COL5A2: variants seen among roughly 807,000 people sequenced by gnomAD.
COL5A2 encodes collagen type V alpha 2 chain.
A neutral mutation model predicts 208.2 loss-of-function variants in COL5A2; 23 were observed. That is an observed-to-expected ratio of 0.11 (90% CI 0.08 to 0.16). The LOEUF (loss-of-function observed/expected upper bound fraction) is 0.16. COL5A2 is among the 10% of genes least tolerant of loss of function. The pLI is 1.00. For synonymous variants in COL5A2, 625 were observed against 628.5 expected, an observed-to-expected ratio of 0.99 and a Z score of 0.08; for missense variants, 1,590 against 1,956.4, an observed-to-expected ratio of 0.81 and a Z score of 3.53.
chr2:189,142,163 T>A (rs367606833), intron 1 of COL5A2, among the ~76,000 whole-genome samples: 1 of 152,108 alleles, frequency 6.6e-6, no homozygotes, highest in East Asian at 1.9e-4. Flanking sequence ...TGATTGACAA[T>A]AATTTTAAAC....
the COL5A2 span, among the ~76,000 whole-genome samples, chr2:189,407,337 G>A: frequency 1.3e-5 from 2 of 152,028 alleles, no homozygotes; most frequent in Non-Finnish European, 2.9e-5. Flanking sequence ...TATGGGGGAG[G>A]TGGAGGGAAG....
chr2:189,309,033 G>A, the COL5A2 span, among the ~76,000 whole-genome samples: 37 of 152,106 alleles, frequency 2.4e-4, no homozygotes, highest in Admixed American at 2.4e-3. Context: ...ACTCTCTTGG[G>A]CAGCTCTGCT....
At chr2:189,194,538 C>G (rs1688973314) in intron 1 of COL5A2, among the ~76,000 whole-genome samples, 1 of 152,158 alleles carries the variant, frequency 6.6e-6, no homozygotes, top group South Asian at 2.1e-4. Flanking sequence ...ATGTACAGGT[C>G]TTTTAATGGC....
At chr2:189,162,546 G>A (rs190805326) in intron 1 of COL5A2, among the ~76,000 whole-genome samples, 56 of 152,286 alleles carry the variant, frequency 3.7e-4, no homozygotes, top group African/African-American at 1.3e-3. Flanking sequence ...ATTAGCAAGT[G>A]CTTTACGATG....
chr2:189,385,580 A>G, the COL5A2 span, among the ~76,000 whole-genome samples: 1 of 152,152 alleles, frequency 6.6e-6, no homozygotes, highest in South Asian at 2.1e-4. Flanking sequence ...TGCTATTCCT[A>G]TCAAATTACC....
At chr2:189,095,960 A>G (rs1486666030) in intron 6 of COL5A2, 3 of 148,202 alleles carry the variant, frequency 2.0e-5, no homozygotes, top group African/African-American at 7.4e-5. Context: ...AGATATGGCC[A>G]ATCTCTTGGG....
the COL5A2 span, among the ~76,000 whole-genome samples, chr2:189,282,702 T>C: frequency 6.6e-6 from 1 of 152,180 alleles, no homozygotes; most frequent in African/African-American, 2.4e-5. Flanking sequence ...TAGCCTTCCA[T>C]TCTTGTTTTA....
At chr2:189,390,179 T>C in the COL5A2 span, among the ~76,000 whole-genome samples, 1 of 151,930 alleles carries the variant, frequency 6.6e-6, no homozygotes, top group Non-Finnish European at 1.5e-5. Flanking sequence ...TGTGTTGAAC[T>C]GTAGACTCAC....
the COL5A2 span, among the ~76,000 whole-genome samples, chr2:189,403,629 G>T: frequency 1.3e-5 from 2 of 152,058 alleles, no homozygotes. Flanking sequence ...TAACATTAAG[G>T]GATGTTGAAT....
At chr2:189,145,580 C>A (rs1022436169) in intron 1 of COL5A2, among the ~76,000 whole-genome samples, 2 of 152,006 alleles carry the variant, frequency 1.3e-5, no homozygotes, top group Non-Finnish European at 2.9e-5. Context: ...TAATCAGTGT[C>A]TATTATATTG....
At chr2:189,124,560 G>T (rs1687572458) in intron 1 of COL5A2, among the ~76,000 whole-genome samples, 1 of 151,746 alleles carries the variant, frequency 6.6e-6, no homozygotes, top group Non-Finnish European at 1.5e-5. Context: ...ACTAAACAGG[G>T]GATGATAAAA....
chr2:189,396,990 C>CAAAAAA, the COL5A2 span, among the ~76,000 whole-genome samples: 1 of 95,796 alleles, frequency 1.0e-5, no homozygotes, highest in Non-Finnish European at 2.1e-5. Context: ...GACTCCGTCT[C>CAAAAAA]AAAAAAAAAA....
At chr2:189,374,655 C>G in the COL5A2 span, among the ~76,000 whole-genome samples, 1 of 152,116 alleles carries the variant, frequency 6.6e-6, no homozygotes, top group African/African-American at 2.4e-5. Context: ...TATGTCATGA[C>G]TTAAAAGTGA....
chr2:189,394,029 T>C, the COL5A2 span, among the ~76,000 whole-genome samples: 1 of 152,188 alleles, frequency 6.6e-6, no homozygotes, highest in Non-Finnish European at 1.5e-5. Context: ...AGAAGCTAAA[T>C]GAGGCCTCAC....
At chr2:189,322,555 G>A in the COL5A2 span, among the ~76,000 whole-genome samples, 85,911 of 151,816 alleles carry the variant, frequency 0.57, 26,110 homozygotes, top group East Asian at 0.72. Flanking sequence ...ACACCTCTAC[G>A]CAAATAAACT....
the COL5A2 span, among the ~76,000 whole-genome samples, chr2:189,361,433 C>T: frequency 6.6e-6 from 1 of 151,996 alleles, no homozygotes; most frequent in Admixed American, 6.6e-5. Flanking sequence ...ACTCCTGCTG[C>T]TCTTTCTTGG....
At chr2:189,261,533 T>C in the COL5A2 span, among the ~76,000 whole-genome samples, 1 of 152,218 alleles carries the variant, frequency 6.6e-6, no homozygotes, top group Non-Finnish European at 1.5e-5. Context: ...CATAAAAGTC[T>C]ATCTCTTCCA....
At chr2:189,404,957 A>G in the COL5A2 span, among the ~76,000 whole-genome samples, 2 of 152,154 alleles carry the variant, frequency 1.3e-5, no homozygotes, top group Admixed American at 1.3e-4. Context: ...GCCATTTACT[A>G]CCTATGTGAT....
chr2:189,321,789 A>G, the COL5A2 span, among the ~76,000 whole-genome samples: 22 of 152,332 alleles, frequency 1.4e-4, no homozygotes, highest in African/African-American at 4.1e-4. Flanking sequence ...GTTAACAAGG[A>G]TATCCAGGAA....
Sources: gnomAD v4.1 joint callset for allele counts (sites outside exome capture counted in the v4.1 genomes callset) on GRCh38, gnomAD v4.1.1 for gene constraint, MANE v1.5 for transcripts, NCBI Gene and HGNC (gene_info 2026-07-23, HGNC 2026-07-21) for gene names.